Variants in MUC5B observed in about 807,000 individuals in gnomAD.
MUC5B encodes the protein mucin-5B.
MUC5B carries 116 observed loss-of-function variants against 376.9 expected under a neutral mutation model. The observed-to-expected ratio is 0.31, with a 90% CI of 0.26 to 0.36. The LOEUF (loss-of-function observed/expected upper bound fraction) is 0.36. Among genes scored for constraint, MUC5B ranks in the 10% least tolerant of loss-of-function variants. The pLI is 1.00. For synonymous variants in MUC5B, 3,517 were observed against 3,390.9 expected (o/e 1.04, Z -1.29); for missense variants, 7,165 against 7,769.9 (o/e 0.92, Z 2.93).
chr11:1,230,796 A>G (rs1017762503), intron 12 of MUC5B, 140 bp from the exon 13 acceptor site: 54 of 1,062,364 alleles, frequency 5.1e-5, no homozygotes, highest in Non-Finnish European at 7.3e-5. Flanking sequence ...GGGCAATTGC[A>G]GAGCCCACCG....
chr11:1,256,553 G>A (rs924719073), intron 38 of MUC5B, 118 bp from the exon 39 acceptor site: 37 of 387,164 alleles, frequency 9.6e-5, no homozygotes, highest in Middle Eastern at 6.5e-4. Context: ...CCTGAGCCCC[G>A]CACTCCACCC....
At position 1,258,124 on chromosome 11, in the gene MUC5B, G is replaced by A. The variant is rs55784821; in HGVS notation, c.16476G>A (p.Gln5492=). The change falls in exon 42 of 49, where the codon CAG becomes CAA. Residue 5492 remains glutamine, a synonymous_variant. Transcript: ENST00000529681. The surrounding 1 kb of genome is among the most constrained non-coding windows in gnomAD (Gnocchi z 5.5). ...VCVCNTTTCP[Q]SLPVCPPGQE... ...TGTGCAACACAACCACCTGCCCCCA[G>A]AGCCTGCCTGTGTGCCCGCCAGGGC... 46,481 of 1,594,276 alleles carry A rather than the reference G, an allele frequency of 0.029. 870 individuals are homozygous for A. Among genetic ancestry groups the A allele is most frequent in the Non-Finnish European group, 0.032 (38,107 of 1,172,658 alleles).
rs878982090 is a variant in MUC5B, at chr11:1,225,584, C to T, written c.71-97C>T. 6.5e-5 allele frequency: 73 copies of T among 1,126,220 alleles called. No homozygotes were observed. In the South Asian group the frequency reaches 7.5e-4, roughly 12 times the overall value. 69.8% of individuals were successfully genotyped at this position (1,126,220 alleles called of 1,614,324 possible). A position where few individuals can be genotyped will look rare whatever the true frequency, so the allele number is the denominator to read the frequency against. Reference sequence around the variant, plus strand: ...AGACCGCCACCAAGGACCCCACATGCGGCTGCCGCACCAGGGATGTGGCCA... The same window carrying T: ...AGACCGCCACCAAGGACCCCACATGTGGCTGCCGCACCAGGGATGTGGCCA... On this transcript the variant is annotated intron_variant, in intron 1 of 48. Transcript: ENST00000529681.
chr11:1,225,657 G>A (rs779679070), intron 1 of MUC5B, 24 bp from the exon 2 acceptor site: 130 of 1,583,006 alleles, frequency 8.2e-5, no homozygotes, highest in Non-Finnish European at 1.0e-4. Flanking sequence ...GTTCCTCACT[G>A]ACTCCCATTC....
At chr11:1,259,413 C>T in intron 44 of MUC5B, 1 of 493,308 alleles carries the variant, frequency 2.0e-6, no homozygotes, top group East Asian at 3.6e-5. Flanking sequence ...CCCTGGGGTT[C>T]TCTAGCTCAG....
Position 1,252,442 on chromosome 11 carries a change from C to T in MUC5B, c.14963C>T (p.Thr4988Ile). ...GACCGCTTCCAGGGCGCCTGTCCCA[C>T]CTCCCCACCGCCAGTGTCCTCCGCC... ...DIDRFQGACP[T>I]SPPPVSSAPL... Residue 4988 changes from threonine (T) to isoleucine (I), a missense_variant, in exon 32 of 49, where the codon ACC becomes ATC. Thr to Ile is a moderately conservative substitution (Grantham distance 89). This residue lies in a region of MUC5B where 730 missense variants were observed against 592.7 expected (regional missense o/e 1.23). Coordinates refer to ENST00000529681, the MANE Select transcript of MUC5B (RefSeq NM_002458.3). 3 of 1,610,956 alleles carry T rather than the reference C, an allele frequency of 1.9e-6. No homozygotes were observed. The highest frequency in any genetic ancestry group is 2.5e-6 in the Non-Finnish European group (3 of 1,178,934).
rs751169101 is a variant in MUC5B, at chr11:1,246,125, A to C, written c.9245A>C (p.Glu3082Ala). The C allele has an allele frequency of 6.2e-7, 1 of 1,612,048 alleles. No individual in the cohort carries two copies. Among genetic ancestry groups the C allele is most frequent in the East Asian group, 2.2e-5 (1 of 44,774 alleles). The change falls in exon 31 of 49, where the codon GAA becomes GCA. Residue 3082 changes from glutamate to alanine, a missense_variant. Around this residue, in one of 31 missense-constraint regions of MUC5B, gnomAD observed 939 missense variants for 770.6 expected, o/e 1.22. Transcript: ENST00000529681. ...FTLGTTGTLPEQTTTPMATMS... is the reference protein window; with the variant it reads ...FTLGTTGTLPAQTTTPMATMS... ...CTTGGGACCACCGGGACCCTCCCAG[A>C]ACAGACCACCACACCCATGGCCACC...
rs545375302 is a variant in MUC5B, at chr11:1,226,865, C to T, written c.450C>T (p.Ile150=). The part of the protein sequence containing the change: ...VLEASNGSVL[I]NGQREELPYS... ...AGGCGTCCAACGGCTCCGTCCTCAT[C>T]AATGGGCAGCGGTGAGCCGGCCACC... The change falls in exon 4 of 49, where the codon ATC becomes ATT. Residue 150 remains isoleucine, a synonymous_variant. Transcript: ENST00000529681. 8.9e-5 allele frequency: 143 copies of T among 1,605,636 alleles called. 2 individuals are homozygous for T. The South Asian group carries it at 1.5e-3, about 17-fold the overall frequency.
chr11:1,235,144 C>T lies in MUC5B; in HGVS notation c.2690C>T (p.Ala897Val). 1 of 1,612,978 alleles carries T rather than the reference C, an allele frequency of 6.2e-7. No individual in the cohort carries two copies. Among genetic ancestry groups the T allele is most frequent in the Non-Finnish European group, 8.5e-7 (1 of 1,179,704 alleles). The change falls in exon 22 of 49, where the codon GCC becomes GTC. Residue 897 changes from alanine to valine, a missense_variant. By Grantham distance (64) the Ala-to-Val change is moderately conservative. Transcript: ENST00000529681. ...SHRLCLGTCV[A>V]YGDGHFITFD... ...CGGCTCTGCCTGGGCACCTGCGTGG[C>T]CTACGGGGATGGCCACTTCATCACC...
In MUC5B at chr11:1,257,191, C is replaced by T. The variant is rs367704948; in HGVS notation, c.16238-49C>T. The T allele has an allele frequency of 1.2e-4, 96 of 779,308 alleles. No homozygotes were observed. The highest frequency in any genetic ancestry group is 1.7e-4 in the Non-Finnish European group (69 of 417,848). 48.3% of individuals were successfully genotyped at this position (779,308 alleles called of 1,614,324 possible). On this transcript the variant is annotated intron_variant, in intron 39 of 48. Coordinates refer to ENST00000529681, the MANE Select transcript of MUC5B (RefSeq NM_002458.3). The surrounding 1 kb of genome is among the most constrained non-coding windows in gnomAD (Gnocchi z 8.9). ...CACCTCCCATGGCCAGAGGCCCCTCCGCCTGCAAACTCAGCACCCTCCGTG... is the reference window on the plus strand; with the variant it reads ...CACCTCCCATGGCCAGAGGCCCCTCTGCCTGCAAACTCAGCACCCTCCGTG...
intron 34 of MUC5B, 61 bp from the exon 35 acceptor site, chr11:1,254,633 C>G: frequency 1.3e-6 from 2 of 1,521,174 alleles, no homozygotes; most frequent in Non-Finnish European, 1.8e-6. Flanking sequence ...AAAGAGAAGC[C>G]CTGCTCCCCG....
chr11:1,234,294 G>A lies in MUC5B; in HGVS notation c.2467G>A (p.Asp823Asn). Residue 823 changes from aspartate to asparagine, a missense_variant, in exon 20 of 49, where the codon GAC becomes AAC. Coordinates refer to ENST00000529681, the MANE Select transcript of MUC5B (RefSeq NM_002458.3). This position sits in a 1 kb window ranked among gnomAD's most constrained non-coding sequence, Gnocchi z 6.3. ...GTGCCTCCGGAGCTGCCACACGCTG[G>A]ACGTGGGCTGTGTGAGTTCCATGCT... ...AECLRSCHTL[D>N]VGCFSTHCVS... 6.2e-7 allele frequency: 1 copy of A among 1,601,156 alleles called. No homozygotes were observed. Among genetic ancestry groups the A allele is most frequent in the Non-Finnish European group, 8.5e-7 (1 of 1,174,062 alleles).
At chr11:1,260,574 C>A in intron 47 of MUC5B, 52 bp from the exon 48 acceptor site, 3 of 1,539,372 alleles carry the variant, frequency 1.9e-6, no homozygotes, top group Non-Finnish European at 1.8e-6. Context: ...CAAGTCCAGG[C>A]CCTCAGAGTG....
Position 1,247,207 on chromosome 11 carries a change from C to A in MUC5B, c.10327C>A (p.His3443Asn). The A allele has an allele frequency of 1.9e-6, 3 of 1,570,288 alleles. No individual in the cohort carries two copies. The highest frequency in any genetic ancestry group is 2.6e-6 in the Non-Finnish European group (3 of 1,143,716). ...VTPSSALGTT[H>N]TPPVPNTTAT... ...TCCCTCCTCTGCCCTAGGGACCACC[C>A]ACACACCCCCAGTGCCGAACACCAC... Residue 3443 changes from histidine (H) to asparagine (N), a missense_variant, in exon 31 of 49, where the codon CAC becomes AAC. Transcript: ENST00000529681.
chr11:1,223,714 G>A (rs1861811501), intron 1 of MUC5B, among the ~76,000 whole-genome samples: 1 of 152,210 alleles, frequency 6.6e-6, no homozygotes, highest in Non-Finnish European at 1.5e-5. Flanking sequence ...ACCCACGCTC[G>A]ACTCCCACGG....
At position 1,251,312 on chromosome 11, in the gene MUC5B, C is replaced by G. The variant is rs529528785; in HGVS notation, c.14432C>G (p.Ser4811Cys). 6.2e-7 allele frequency: 1 copy of G among 1,611,300 alleles called. No individual in the cohort carries two copies. The highest frequency in any genetic ancestry group is 1.7e-5 in the Admixed American group (1 of 59,978). Residue 4811 changes from serine (S) to cysteine (C), a missense_variant, in exon 31 of 49, where the codon TCC becomes TGC. Ser to Cys is a moderately radical substitution (Grantham distance 112, BLOSUM62 -1). Transcript: ENST00000529681. ...ACCAATTCCACGGCCACACCCTCCTCCACTCTGGGGACGACCCGGATCCTC... is the reference window on the plus strand; with the variant it reads ...ACCAATTCCACGGCCACACCCTCCTGCACTCTGGGGACGACCCGGATCCTC... Reference protein sequence around the residue: ...RATNSTATPSSTLGTTRILTE... With the variant: ...RATNSTATPSCTLGTTRILTE...
At chr11:1,254,577 G>T in intron 34 of MUC5B, 117 bp from the exon 35 acceptor site, 1 of 1,256,446 alleles carries the variant, frequency 8.0e-7, no homozygotes, top group Non-Finnish European at 1.1e-6. Context: ...TGGGCTTTGG[G>T]GTGGGGGATA....
chr11:1,258,165 C>A lies in MUC5B; in HGVS notation c.16517C>A (p.Thr5506Asn), dbSNP rs745654205. 16 of 1,602,192 alleles carry A rather than the reference C, an allele frequency of 1.0e-5. No homozygotes were observed. The Middle Eastern group carries it at 7.6e-4, about 76-fold the overall frequency. The change falls in exon 42 of 49, where the codon ACC becomes AAC. Residue 5506 changes from threonine to asparagine, a missense_variant. Physicochemically the swap from Thr to Asn is moderately conservative, Grantham distance 65. Transcript: ENST00000529681. The surrounding 1 kb of genome is among the most constrained non-coding windows in gnomAD (Gnocchi z 5.5). ...VCPPGQESIC[T>N]QEEGDCCPTF... is the part of the protein sequence containing the mutation. ...CCGCCAGGGCAGGAGTCCATCTGCA[C>A]CCAGGAGGAGGGCGACTGCTGTCCC...
rs746598826 is a variant in MUC5B, at chr11:1,242,667, C to A, written c.5787C>A (p.Thr1929=). The A allele has an allele frequency of 3.1e-6, 5 of 1,613,756 alleles. No homozygotes were observed. Among genetic ancestry groups the A allele is most frequent in the Non-Finnish European group, 3.4e-6 (4 of 1,179,772 alleles). The change falls in exon 31 of 49, where the codon ACC becomes ACA. Residue 1929 remains threonine (T), a synonymous_variant. Coordinates refer to ENST00000529681, the MANE Select transcript of MUC5B (RefSeq NM_002458.3). ...STGSTATPTS[T]LRTAPPPKVL... ...GATCCACGGCCACCCCGACCTCCAC[C>A]CTGAGAACAGCTCCCCCTCCCAAAG...
Sources: allele counts gnomAD v4.1 joint callset (sites outside exome capture counted in the v4.1 genomes callset), GRCh38; gene constraint gnomAD v4.1.1; regional missense constraint gnomAD v4.1.1; non-coding constraint Gnocchi (gnomAD v3.1); transcripts MANE v1.5; gene names NCBI Gene and HGNC (gene_info 2026-07-23, HGNC 2026-07-21).